SLC25A25: variants seen among roughly 807,000 people sequenced by gnomAD.
The protein encoded by SLC25A25 is mitochondrial adenyl nucleotide antiporter SLC25A25.
SLC25A25 carries 32 observed loss-of-function variants against 57.7 expected under a neutral mutation model. The ratio of observed to expected loss-of-function variants is 0.55; its 90% CI spans 0.42 to 0.74. The LOEUF is 0.74. Among genes scored for constraint, SLC25A25 ranks in the 30% least tolerant of loss-of-function variants. SLC25A25 has a pLI of 0.00. For synonymous variants in SLC25A25, 306 were observed against 291.2 expected, an observed-to-expected ratio of 1.05 and a Z score of -0.52; for missense variants, 556 against 701.3, an observed-to-expected ratio of 0.79 and a Z score of 2.34.
chr9:128,083,087 G>T (rs952871040), intron 1 of SLC25A25, among the ~76,000 whole-genome samples: 2 of 151,970 alleles, frequency 1.3e-5, no homozygotes, highest in Non-Finnish European at 2.9e-5. Flanking sequence ...AATTAGCCGG[G>T]CATTGTGGCG....
rs367933740 is a variant in SLC25A25 at position 128,091,561 on chromosome 9, T to TTAA, written c.262-9535_262-9534insTAA. ...TTTTCCTTTTCTTTTTTTTTTTTTTTAAAAAAAAGCCAAACGTTTGCTCAC... is the reference window on the plus strand; with the variant it reads ...TTTTCCTTTTCTTTTTTTTTTTTTTTTAAAAAAAAAAGCCAAACGTTTGCTCAC... On this transcript the variant is annotated intron_variant, in intron 1 of 10. Transcript: ENST00000373069. 14 of 958,764 alleles carry TTAA rather than the reference T, an allele frequency of 1.5e-5. No homozygotes were observed. The African/African-American group carries it at 1.6e-4, about 11-fold the overall frequency. The allele number at this position is 958,764 out of a possible 1,614,324, so 59.4% of individuals were successfully genotyped here. A position where few individuals can be genotyped will look rare whatever the true frequency, so the allele number is the denominator to read the frequency against.
chr9:128,105,397 C>G (rs994854121), intron 6 of SLC25A25, among the ~76,000 whole-genome samples: 1 of 151,996 alleles, frequency 6.6e-6, no homozygotes, highest in African/African-American at 2.4e-5. Context: ...TCTCGAACTC[C>G]TGAACTCAAG....
chr9:128,090,884 G>A (rs1401013497), intron 1 of SLC25A25: 1 of 152,252 alleles, frequency 6.6e-6, no homozygotes, highest in Non-Finnish European at 1.5e-5. Flanking sequence ...ACAGTAGCCA[G>A]TGCATTTATC....
intron 1 of SLC25A25, among the ~76,000 whole-genome samples, chr9:128,096,269 G>T (rs945765185): frequency 2.6e-5 from 4 of 152,180 alleles, no homozygotes; most frequent in East Asian, 3.8e-4. Context: ...AGCACTTTGG[G>T]AGGCCAAGGC....
chr9:128,101,167 A>G lies in SLC25A25; in HGVS notation c.333A>G (p.Gln111=). The G allele has an allele frequency of 1.2e-6, 2 of 1,614,286 alleles. No homozygotes were observed. Among genetic ancestry groups the G allele is most frequent in the Non-Finnish European group, 1.7e-6 (2 of 1,180,054 alleles). ...TTGAAGAATTTGTCCATTATCTCCAAGATCATGAGAAGAAGCTGAGGCTGG... is the reference window on the plus strand; with the variant it reads ...TTGAAGAATTTGTCCATTATCTCCAGGATCATGAGAAGAAGCTGAGGCTGG... ...LDFEEFVHYL[Q]DHEKKLRLVF... The change falls in exon 2 of 11, where the codon CAA becomes CAG. Residue 111 remains glutamine (Q), a synonymous_variant. Transcript: ENST00000373069. The surrounding 1 kb of genome is among the most constrained non-coding windows in gnomAD (Gnocchi z 4.9).
At chr9:128,077,516 T>TAAAAAAA (rs567869070) in intron 1 of SLC25A25, among the ~76,000 whole-genome samples, 17 of 100,334 alleles carry the variant, frequency 1.7e-4, no homozygotes, top group South Asian at 3.5e-4. Flanking sequence ...GACTCCGTCT[T>TAAAAAAA]AAAAAAAAAA....
At chr9:128,086,533 A>T (rs1833279358) in intron 1 of SLC25A25, among the ~76,000 whole-genome samples, 1 of 151,906 alleles carries the variant, frequency 6.6e-6, no homozygotes, top group Non-Finnish European at 1.5e-5. Context: ...GGTTTTCTCC[A>T]TGTTGGTGAG....
chr9:128,092,316 A>G (rs1220406432), intron 1 of SLC25A25, among the ~76,000 whole-genome samples: 1 of 152,172 alleles, frequency 6.6e-6, no homozygotes, highest in Non-Finnish European at 1.5e-5. Flanking sequence ...CTGTTGAGGG[A>G]AGGAAGGTTG....
At chr9:128,091,605 G>A (rs1833408664) in intron 1 of SLC25A25, 1 of 1,137,736 alleles carries the variant, frequency 8.8e-7, no homozygotes, top group Non-Finnish European at 1.1e-6. Flanking sequence ...GCAGAAGTGA[G>A]TTTTTATTGA....
intron 1 of SLC25A25, among the ~76,000 whole-genome samples, chr9:128,092,962 G>GT (rs1833453021): frequency 6.6e-6 from 1 of 152,278 alleles, no homozygotes; most frequent in Non-Finnish European, 1.5e-5. Context: ...CCTCCCTGCT[G>GT]TAGGAGTGAC....
chr9:128,105,698 G>C lies in SLC25A25; in HGVS notation c.784-31G>C, dbSNP rs369170860. The C allele has an allele frequency of 8.7e-6, 14 of 1,611,468 alleles. No individual in the cohort carries two copies. The African/African-American group carries it at 1.6e-4, about 18-fold the overall frequency. On this transcript the variant is annotated intron_variant, in intron 6 of 10. Transcript: ENST00000373069. Reference sequence around the variant, plus strand: ...GGTGAGGCAGCCTGTGGCCCCCCGGGTCCGTCTGACTGTTCGGTCCTCCCT... The same window carrying C: ...GGTGAGGCAGCCTGTGGCCCCCCGGCTCCGTCTGACTGTTCGGTCCTCCCT...
chr9:128,091,049 G>C (rs557250567), intron 1 of SLC25A25: 2 of 152,276 alleles, frequency 1.3e-5, no homozygotes, highest in African/African-American at 2.4e-5. Flanking sequence ...TCTTCTGGAG[G>C]GAGACGCAGC....
chr9:128,088,166 T>G (rs1264471765), intron 1 of SLC25A25, among the ~76,000 whole-genome samples: 1 of 152,214 alleles, frequency 6.6e-6, no homozygotes, highest in Non-Finnish European at 1.5e-5. Context: ...TTGCAGGGCT[T>G]GCTTTGTTGG....
rs552450036 is a variant in SLC25A25, at chr9:128,101,778, A to G, written c.477-302A>G. 3.9e-5 allele frequency among the ~76,000 whole-genome samples: 6 copies of G among 152,306 alleles called. No individual in the cohort carries two copies. In the South Asian group the frequency reaches 1.2e-3, roughly 32 times the overall value. ...TCCCCATGCTGGTAACTTGCACTTA[A>G]CACTTTAGTCAGAGGCGCTGCCCCA... On this transcript the variant is annotated intron_variant, in intron 3 of 10. Coordinates refer to ENST00000373069, the MANE Select transcript of SLC25A25 (RefSeq NM_001330988.2). This position sits in a 1 kb window ranked among gnomAD's most constrained non-coding sequence, Gnocchi z 4.9.
At chr9:128,106,283 C>A (rs544696212) in intron 8 of SLC25A25, 26 bp downstream of exon 8, 2 of 1,613,888 alleles carry the variant, frequency 1.2e-6, no homozygotes, top group African/African-American at 2.7e-5. Context: ...GGTCCTGGGG[C>A]GGGCAGTGGG....
At chr9:128,070,831 A>G (rs1302103671) in intron 1 of SLC25A25, among the ~76,000 whole-genome samples, 1 of 151,624 alleles carries the variant, frequency 6.6e-6, no homozygotes, top group Non-Finnish European at 1.5e-5. Flanking sequence ...CATGCCTGTA[A>G]TTCCAGTACT....
rs938785719 is a variant in SLC25A25 at position 128,101,822 on chromosome 9, C to T, written c.477-258C>T. Among the ~76,000 whole-genome samples, 10 of 152,164 alleles carry T rather than the reference C, an allele frequency of 6.6e-5. No individual in the cohort carries two copies. Among genetic ancestry groups the T allele is most frequent in the Non-Finnish European group, 1.3e-4 (9 of 68,028 alleles). ...TGCCCCAAAAGATAGCTCCCTGGTG[C>T]GGGGCGGCTGCCAGGAAATCTCATG... On this transcript the variant is annotated intron_variant, in intron 3 of 10. Coordinates refer to ENST00000373069, the MANE Select transcript of SLC25A25 (RefSeq NM_001330988.2). The surrounding 1 kb of genome is among the most constrained non-coding windows in gnomAD (Gnocchi z 4.9).
intron 1 of SLC25A25, among the ~76,000 whole-genome samples, chr9:128,083,219 C>T (rs1387816343): frequency 1.4e-5 from 2 of 145,320 alleles, no homozygotes; most frequent in Non-Finnish European, 1.5e-5. Context: ...CAGAGTGAGA[C>T]TCCGTCTCAA....
In SLC25A25 at chr9:128,101,085, T is replaced by C. The variant is rs1357456806; in HGVS notation, c.262-11T>C. 5 of 1,613,980 alleles carry C rather than the reference T, an allele frequency of 3.1e-6. No homozygotes were observed. The highest frequency in any genetic ancestry group is 4.2e-6 in the Non-Finnish European group (5 of 1,180,030). On this transcript the variant is annotated splice_polypyrimidine_tract_variant and intron_variant, in intron 1 of 10. Coordinates refer to ENST00000373069, the MANE Select transcript of SLC25A25 (RefSeq NM_001330988.2). This position sits in a 1 kb window ranked among gnomAD's most constrained non-coding sequence, Gnocchi z 4.9. ...GGAGCCAAAAGACAAAATGTTACCT[T>C]TCTTTTCTAGAAAATTGTACAAGCT...
Sources: gnomAD v4.1 joint callset for allele counts (sites outside exome capture counted in the v4.1 genomes callset) on GRCh38, gnomAD v4.1.1 for gene constraint, Gnocchi (gnomAD v3.1) non-coding constraint, MANE v1.5 for transcripts, NCBI Gene and HGNC (gene_info 2026-07-23, HGNC 2026-07-21) for gene names.